NEK11: variants seen among roughly 807,000 people sequenced by gnomAD.
NEK11 encodes serine/threonine-protein kinase Nek11.
A neutral mutation model predicts 80.7 loss-of-function variants in NEK11; 72 were observed. The ratio of observed to expected loss-of-function variants is 0.89; its 90% CI spans 0.74 to 1.08. The LOEUF (loss-of-function observed/expected upper bound fraction) is 1.08, where lower values mean the gene tolerates loss of function less well. Among genes scored for constraint, NEK11 ranks in the 50% least tolerant of loss-of-function variants. The probability of loss-of-function intolerance (pLI) is 0.00; values close to 1 mark genes in which losing one functional copy is unlikely to be tolerated. For synonymous variants in NEK11, 251 were observed against 260.7 expected (o/e 0.96, Z 0.36); for missense variants, 764 against 763.6 (o/e 1.00, Z -0.01).
At chr3:131,139,353 G>GAAAAAAAAAAAAA (rs71622003) in intron 7 of NEK11, among the ~76,000 whole-genome samples, 1 of 107,562 alleles carries the variant, frequency 9.3e-6, no homozygotes. Context: ...AGAGAAAAAA[G>GAAAAAAAAAAAAA]AAAAAAAAAA....
chr3:131,245,864 C>T (rs1315833928), intron 16 of NEK11, among the ~76,000 whole-genome samples: 1 of 151,848 alleles, frequency 6.6e-6, no homozygotes, highest in Non-Finnish European at 1.5e-5. Flanking sequence ...TTGAGTCCCT[C>T]ATAAATTCTG....
At chr3:131,236,587 T>C (rs985996261) in intron 15 of NEK11, among the ~76,000 whole-genome samples, 2 of 152,298 alleles carry the variant, frequency 1.3e-5, no homozygotes, top group Middle Eastern at 3.4e-3. Flanking sequence ...GTGGACACGT[T>C]GACAGTCACG....
chr3:131,150,594 T>C (rs536549542), intron 7 of NEK11, among the ~76,000 whole-genome samples: 1 of 152,188 alleles, frequency 6.6e-6, no homozygotes, highest in South Asian at 2.1e-4. Flanking sequence ...ATATTTAAAG[T>C]TTGTTTTGTG....
At chr3:131,278,400 G>A (rs2096337293) in intron 17 of NEK11, among the ~76,000 whole-genome samples, 1 of 152,162 alleles carries the variant, frequency 6.6e-6, no homozygotes, top group South Asian at 2.1e-4. Context: ...ATTCATGTAT[G>A]GATAGATAAA....
intron 4 of NEK11, among the ~76,000 whole-genome samples, chr3:131,086,864 A>G (rs1430020679): frequency 6.6e-6 from 1 of 152,186 alleles, no homozygotes; most frequent in East Asian, 1.9e-4. Flanking sequence ...TTTTCTCTCA[A>G]TGGAAGACTA....
intron 14 of NEK11, among the ~76,000 whole-genome samples, chr3:131,184,356 T>A (rs1403523058): frequency 6.6e-6 from 1 of 152,170 alleles, no homozygotes; most frequent in Non-Finnish European, 1.5e-5. Flanking sequence ...GAAGATGCAT[T>A]TTTAACAACA....
chr3:131,087,541 C>T lies in NEK11; in HGVS notation c.336+6953C>T, dbSNP rs147193176. Among the ~76,000 whole-genome samples the T allele has an allele frequency of 3.3e-3, 506 of 152,266 alleles. 2 individuals are homozygous for T. Among genetic ancestry groups the T allele is most frequent in the African/African-American group, 0.011 (462 of 41,544 alleles). On this transcript the variant is annotated intron_variant, in intron 4 of 17. Coordinates refer to ENST00000383366, the MANE Select transcript of NEK11 (RefSeq NM_024800.5). ...ACAGGCGTGAGCCACCGTGCCCGGC[C>T]GCAAATTCTTAACCACTAATAGGCC...
intron 14 of NEK11, among the ~76,000 whole-genome samples, chr3:131,223,429 G>C (rs569960766): frequency 4.1e-4 from 63 of 152,262 alleles, no homozygotes; most frequent in Non-Finnish European, 8.1e-4. Context: ...TCTTAGGTAG[G>C]AGAGGGAAAG....
intron 17 of NEK11, among the ~76,000 whole-genome samples, chr3:131,332,170 G>T (rs1032950516): frequency 6.6e-6 from 1 of 152,198 alleles, no homozygotes; most frequent in East Asian, 1.9e-4. Flanking sequence ...TCCTCAAGTG[G>T]GTCCCAGACC....
chr3:131,054,790 A>AAATAAATG (rs1199939257), intron 3 of NEK11, among the ~76,000 whole-genome samples: 21 of 136,822 alleles, frequency 1.5e-4, no homozygotes, highest in South Asian at 9.1e-4. Flanking sequence ...ATAAATAAAT[A>AAATAAATG]AATGAATGAA....
At chr3:131,289,710 G>C (rs769979149) in intron 17 of NEK11, among the ~76,000 whole-genome samples, 1 of 152,206 alleles carries the variant, frequency 6.6e-6, no homozygotes, top group Non-Finnish European at 1.5e-5. Flanking sequence ...GTGGTGTACA[G>C]TTCCAGACCT....
intron 4 of NEK11, among the ~76,000 whole-genome samples, chr3:131,085,489 A>T (rs2075855439): frequency 6.6e-6 from 1 of 152,122 alleles, no homozygotes; most frequent in African/African-American, 2.4e-5. Context: ...GGTATGTGTT[A>T]TGGGAAGGGT....
intron 17 of NEK11, among the ~76,000 whole-genome samples, chr3:131,324,243 G>A (rs1045793942): frequency 3.3e-5 from 5 of 152,132 alleles, no homozygotes; most frequent in South Asian, 4.2e-4. Context: ...GGGCTCTGCC[G>A]GCCAGGACCA....
chr3:131,252,208 C>T (rs1236843380), intron 16 of NEK11, among the ~76,000 whole-genome samples: 1 of 152,092 alleles, frequency 6.6e-6, no homozygotes, highest in Non-Finnish European at 1.5e-5. Flanking sequence ...TTTTTCACTT[C>T]AAAATGAAAC....
At chr3:131,262,257 T>C (rs1360415733) in intron 16 of NEK11, among the ~76,000 whole-genome samples, 1 of 152,104 alleles carries the variant, frequency 6.6e-6, no homozygotes, top group East Asian at 1.9e-4. Context: ...TACAGGGATG[T>C]GCACCTGTAG....
intron 3 of NEK11, among the ~76,000 whole-genome samples, chr3:131,078,036 A>G (rs945008904): frequency 6.6e-6 from 1 of 152,162 alleles, no homozygotes; most frequent in African/African-American, 2.4e-5. Flanking sequence ...ATTTAAAGAC[A>G]CCTGTTAATG....
intron 15 of NEK11, among the ~76,000 whole-genome samples, chr3:131,235,160 C>A (rs1295268879): frequency 6.6e-6 from 1 of 152,128 alleles, no homozygotes; most frequent in Non-Finnish European, 1.5e-5. Context: ...GGACGGTGAC[C>A]TTCACTGTGA....
chr3:131,272,757 T>G (rs1289797822), intron 16 of NEK11, among the ~76,000 whole-genome samples: 1 of 152,164 alleles, frequency 6.6e-6, no homozygotes, highest in Non-Finnish European at 1.5e-5. Flanking sequence ...ATTACAGGCA[T>G]GAGCCACTGC....
chr3:131,091,538 T>C (rs2076730076), intron 4 of NEK11, among the ~76,000 whole-genome samples: 1 of 152,182 alleles, frequency 6.6e-6, no homozygotes, highest in Non-Finnish European at 1.5e-5. Context: ...TGCATCCATA[T>C]GGCAAGGTAA....
Sources: allele counts gnomAD v4.1 joint callset (sites outside exome capture counted in the v4.1 genomes callset), GRCh38; gene constraint gnomAD v4.1.1; transcripts MANE v1.5; gene names NCBI Gene and HGNC (gene_info 2026-07-23, HGNC 2026-07-21).